The following TLL1 variants were observed in gnomAD, a reference collection of about 807,000 sequenced individuals.
The protein encoded by TLL1 is tolloid like 1, also known as tolloid-like protein 1.
Under a neutral mutation model 128.2 loss-of-function variants are expected in TLL1, and 49 were observed. The observed-to-expected ratio is 0.38, with a 90% CI of 0.30 to 0.48. TLL1 has a LOEUF of 0.48. Ranked by LOEUF, TLL1 falls within the 20% of genes least tolerant of loss-of-function variation. TLL1 has a pLI of 0.96. For synonymous variants in TLL1, 454 were observed against 418.8 expected (o/e 1.08, Z -1.03); for missense variants, 1,123 against 1,242.0 (o/e 0.90, Z 1.44).
chr4:166,001,871 T>A lies in TLL1; in HGVS notation c.633-1520T>A, dbSNP rs537043712. Among the ~76,000 whole-genome samples the A allele has an allele frequency of 2.6e-4, 40 of 152,172 alleles. 1 individual carries two copies. The highest frequency in any genetic ancestry group is 9.2e-4 in the African/African-American group (38 of 41,518). On this transcript the variant is annotated intron_variant, in intron 5 of 20. Transcript: ENST00000061240. ...TTGATGAAAATTTGCAGAAAGACAT[T>A]CCTGCATGTTTCACATTCTATTTGA... is the stretch of plus-strand genomic sequence containing the variant.
chr4:165,903,957 A>G (rs1732132402), intron 1 of TLL1, among the ~76,000 whole-genome samples: 1 of 152,056 alleles, frequency 6.6e-6, no homozygotes, highest in South Asian at 2.1e-4. Flanking sequence ...CCACCATTAT[A>G]TTTCAGGAAA....
Position 166,070,322 on chromosome 4 carries a change from T to C in TLL1, c.2188+4459T>C, listed in dbSNP as rs150955450. ...AGTTGAGCATAACAGAAATATTAGT[T>C]GGACTTTATACCTGAAAAAAATAGC... On this transcript the variant is annotated intron_variant, in intron 16 of 20. Transcript: ENST00000061240. 7.7e-3 allele frequency among the ~76,000 whole-genome samples: 1,176 copies of C among 152,036 alleles called. 14 individuals carry two copies. Among genetic ancestry groups the C allele is most frequent in the African/African-American group, 0.027 (1,116 of 41,552 alleles).
chr4:165,886,711 C>A (rs997321189), intron 1 of TLL1, among the ~76,000 whole-genome samples: 1 of 152,108 alleles, frequency 6.6e-6, no homozygotes, highest in Non-Finnish European at 1.5e-5. Flanking sequence ...AATATAAATG[C>A]TATGAGAATA....
chr4:166,051,461 G>A (rs183017067), intron 12 of TLL1, among the ~76,000 whole-genome samples: 1 of 151,926 alleles, frequency 6.6e-6, no homozygotes, highest in Non-Finnish European at 1.5e-5. Context: ...TCACATTTTA[G>A]TTTCAATCAT....
At chr4:165,902,780 T>C (rs1305919066) in intron 1 of TLL1, among the ~76,000 whole-genome samples, 1 of 152,174 alleles carries the variant, frequency 6.6e-6, no homozygotes, top group Non-Finnish European at 1.5e-5. Context: ...CAATTGGATA[T>C]CTATGTGTAA....
In TLL1 at chr4:166,061,508, G is replaced by A. The variant is rs867923055; in HGVS notation, c.2007+1320G>A. On this transcript the variant is annotated intron_variant, in intron 15 of 20. Transcript: ENST00000061240. ...GATCCGCCTGCCTCAGCCTCCAGAA[G>A]TGCTGGGATTACAGGCATGAGCTAC... Among the ~76,000 whole-genome samples the A allele has an allele frequency of 4.6e-5, 7 of 152,112 alleles. No homozygotes were observed. In the South Asian group the frequency reaches 1.5e-3, roughly 32 times the overall value.
chr4:166,023,557 A>T (rs1738342083), intron 8 of TLL1, among the ~76,000 whole-genome samples: 1 of 152,228 alleles, frequency 6.6e-6, no homozygotes, highest in African/African-American at 2.4e-5. Context: ...ATCTGAGAAT[A>T]AATCAACAAA....
chr4:166,047,529 A>T (rs769127100), intron 12 of TLL1, among the ~76,000 whole-genome samples: 1 of 149,360 alleles, frequency 6.7e-6, no homozygotes, highest in African/African-American at 2.4e-5. Context: ...TTATATTATT[A>T]TTCTTCAGAT....
intron 1 of TLL1, among the ~76,000 whole-genome samples, chr4:165,910,507 G>C (rs1732481248): frequency 1.3e-5 from 2 of 152,006 alleles, no homozygotes; most frequent in East Asian, 3.9e-4. Flanking sequence ...TAAAATTAGG[G>C]AATTTTCAAG....
intron 1 of TLL1, among the ~76,000 whole-genome samples, chr4:165,943,673 CA>C (rs5863790): frequency 0.032 from 4,790 of 151,762 alleles, 231 homozygotes; most frequent in African/African-American, 0.1. Flanking sequence ...AAATGTGAAG[CA>C]AAATACTTAT....
chr4:165,948,537 C>T lies in TLL1; in HGVS notation c.170-40844C>T, dbSNP rs75351922. On this transcript the variant is annotated intron_variant, in intron 1 of 20. Transcript: ENST00000061240. ...TGGAGGCTGAGAAACCCAAGGTTGA[C>T]GAGCTACAAGTGATGAAGGCTTTCC... Among the ~76,000 whole-genome samples, 688 of 152,148 alleles carry T rather than the reference C, an allele frequency of 4.5e-3. 18 individuals carry two copies. The East Asian group carries it at 0.059, about 13-fold the overall frequency.
chr4:165,952,648 CCTT>C (rs1294847674), intron 1 of TLL1, among the ~76,000 whole-genome samples: 15 of 151,990 alleles, frequency 9.9e-5, no homozygotes, highest in African/African-American at 3.4e-4. Context: ...ATAGTGTACT[CCTT>C]CTAAGGACAC....
intron 16 of TLL1, among the ~76,000 whole-genome samples, chr4:166,068,558 C>T (rs936811476): frequency 2.6e-5 from 4 of 151,756 alleles, no homozygotes; most frequent in African/African-American, 9.7e-5. Flanking sequence ...CTTTGATAAA[C>T]TTCGTTACTG....
At chr4:166,061,816 G>A (rs1178920323) in intron 15 of TLL1, among the ~76,000 whole-genome samples, 2 of 152,116 alleles carry the variant, frequency 1.3e-5, no homozygotes, top group Non-Finnish European at 2.9e-5. Flanking sequence ...GAATGGTATT[G>A]CCTAGGTTTT....
chr4:166,026,092 A>G (rs1738478128), intron 9 of TLL1, among the ~76,000 whole-genome samples: 1 of 152,236 alleles, frequency 6.6e-6, no homozygotes, highest in South Asian at 2.1e-4. Context: ...AACAACAACA[A>G]CAACAAGGAA....
intron 14 of TLL1, among the ~76,000 whole-genome samples, chr4:166,058,722 G>A (rs1740146841): frequency 6.6e-6 from 1 of 152,070 alleles, no homozygotes; most frequent in East Asian, 1.9e-4. Context: ...AGAATGTGTA[G>A]CAGTTTAACA....
At chr4:166,081,722 G>A (rs1459263616) in intron 18 of TLL1, among the ~76,000 whole-genome samples, 1 of 151,264 alleles carries the variant, frequency 6.6e-6, no homozygotes, top group Non-Finnish European at 1.5e-5. Context: ...ATACATTGAT[G>A]TGTTCAATCA....
chr4:166,039,579 T>C (rs1323195220), intron 10 of TLL1, 138 bp downstream of exon 10: 1 of 675,042 alleles, frequency 1.5e-6, no homozygotes, highest in Admixed American at 2.4e-5. Flanking sequence ...TATACTTTTT[T>C]CAACCATACC....
intron 1 of TLL1, among the ~76,000 whole-genome samples, chr4:165,941,742 T>C (rs1014654079): frequency 6.6e-6 from 1 of 152,134 alleles, no homozygotes; most frequent in Non-Finnish European, 1.5e-5. Context: ...CAAAATCCTA[T>C]AACCAATAGC....
Sources: allele counts gnomAD v4.1 joint callset (sites outside exome capture counted in the v4.1 genomes callset), GRCh38; gene constraint gnomAD v4.1.1; transcripts MANE v1.5; gene names NCBI Gene and HGNC (gene_info 2026-07-23, HGNC 2026-07-21).